The following CTBS variants were observed in gnomAD, a reference collection of about 807,000 sequenced individuals.
The protein encoded by CTBS is di-N-acetylchitobiase.
Under a neutral mutation model 44.3 loss-of-function variants are expected in CTBS, and 35 were observed. The ratio of observed to expected loss-of-function variants is 0.79; its 90% CI spans 0.60 to 1.05. The LOEUF is 1.05. Among genes scored for constraint, CTBS ranks in the 50% least tolerant of loss-of-function variants. The probability of loss-of-function intolerance (pLI) is 0.00; values close to 1 mark genes in which losing one functional copy is unlikely to be tolerated. For missense variants in CTBS, 458 were observed against 475.3 expected (o/e 0.96, Z 0.34); for synonymous variants, 143 against 168.0 (o/e 0.85, Z 1.15).
At chr1:84,569,904 G>A (rs1302253877) in intron 3 of CTBS, 27 bp downstream of exon 3, 1 of 1,577,464 alleles carries the variant, frequency 6.3e-7, no homozygotes. Context: ...AAAATATGAG[G>A]TTTCCAAAAA....
intron 4 of CTBS, among the ~76,000 whole-genome samples, chr1:84,565,250 G>A (rs1437492070): frequency 2.0e-5 from 3 of 151,710 alleles, no homozygotes; most frequent in Non-Finnish European, 4.4e-5. Flanking sequence ...CTTTTATTTA[G>A]TTGACTGATG....
At chr1:84,555,896 T>G (rs894174368) in intron 6 of CTBS, 1 of 152,254 alleles carries the variant, frequency 6.6e-6, no homozygotes, top group Non-Finnish European at 1.5e-5. Context: ...TGTGCTTTTT[T>G]GTATTCTCTG....
chr1:84,562,819 G>A (rs1359605296), intron 6 of CTBS, among the ~76,000 whole-genome samples: 4 of 151,982 alleles, frequency 2.6e-5, no homozygotes, highest in South Asian at 2.1e-4. Context: ...TTGTAAAGTC[G>A]ATTATGACAC....
intron 6 of CTBS, among the ~76,000 whole-genome samples, chr1:84,560,965 T>C (rs1397932602): frequency 2.6e-5 from 4 of 152,216 alleles, no homozygotes; most frequent in East Asian, 1.9e-4. Flanking sequence ...ACAAGATGAA[T>C]GTTATTTTCA....
intron 1 of CTBS, chr1:84,573,803 G>T: frequency 1.3e-6 from 1 of 766,760 alleles, no homozygotes; most frequent in Non-Finnish European, 1.6e-6. Flanking sequence ...GGGCTAGCAG[G>T]TATAGAAAAC....
In CTBS at chr1:84,554,656, T is replaced by A. The variant is rs1321286009; in HGVS notation, c.*343A>T. ...CAATTTCCACTTCAGATTATACATA[T>A]TTTAAAAATCAGCATTGATTCGTGA... On this transcript the variant is annotated 3_prime_UTR_variant, in exon 7 of 7. Coordinates refer to ENST00000370630, the MANE Select transcript of CTBS (RefSeq NM_004388.3). 10 of 181,336 alleles carry A rather than the reference T, an allele frequency of 5.5e-5. No homozygotes were observed. Among genetic ancestry groups the A allele is most frequent in the Admixed American group, 4.4e-4 (8 of 18,148 alleles). The allele number at this position is 181,336 out of a possible 1,614,324, so 11.2% of individuals were successfully genotyped here.
intron 6 of CTBS, among the ~76,000 whole-genome samples, chr1:84,560,096 AAAAAGAAAGAAAGAAAG>A (rs1684558915): frequency 7.7e-6 from 1 of 129,412 alleles, no homozygotes; most frequent in African/African-American, 3.2e-5. Flanking sequence ...AAAAAAAAAA[AAAAAGAAAGAAAGAAAG>A]AAAGAAAGAA....
intron 3 of CTBS, among the ~76,000 whole-genome samples, chr1:84,569,654 T>A (rs773198538): frequency 1.3e-5 from 2 of 152,164 alleles, no homozygotes; most frequent in African/African-American, 2.4e-5. Context: ...CCCCCTTGAT[T>A]TTTGTTCTCC....
chr1:84,560,141 A>T (rs953495978), intron 6 of CTBS, among the ~76,000 whole-genome samples: 4 of 151,778 alleles, frequency 2.6e-5, no homozygotes, highest in African/African-American at 9.7e-5. Flanking sequence ...AAGGAAAGAA[A>T]GAAAGAAAGA....
chr1:84,550,492 C>T lies in CTBS; in HGVS notation c.*4507G>A. ...TGCAATTGACCAGCTTAAGAGAAAA[C>T]TAGATACTGACAAAATGAAACTCAT... On this transcript the variant is annotated 3_prime_UTR_variant, in exon 7 of 7. Coordinates refer to ENST00000370630, the MANE Select transcript of CTBS (RefSeq NM_004388.3). 4 of 1,566,658 alleles carry T rather than the reference C, an allele frequency of 2.6e-6. No homozygotes were observed. The highest frequency in any genetic ancestry group is 2.4e-5 in the South Asian group (2 of 83,260).
chr1:84,565,454 C>T (rs1224362046), intron 4 of CTBS, among the ~76,000 whole-genome samples: 2 of 152,176 alleles, frequency 1.3e-5, no homozygotes, highest in Non-Finnish European at 2.9e-5. Flanking sequence ...TTATTTAACA[C>T]TGGTTATTTC....
At chr1:84,571,090 G>C (rs1647288887) in intron 1 of CTBS, among the ~76,000 whole-genome samples, 1 of 152,198 alleles carries the variant, frequency 6.6e-6, no homozygotes, top group Non-Finnish European at 1.5e-5. Context: ...CTGTTGAGAA[G>C]TTAGTACTAC....
Position 84,563,390 on chromosome 1 carries a change from G to C in CTBS, c.824C>G (p.Pro275Arg). 6.3e-7 allele frequency: 1 copy of C among 1,575,466 alleles called. No homozygotes were observed. The highest frequency in any genetic ancestry group is 1.2e-5 in the South Asian group (1 of 84,970). The change falls in exon 6 of 7, where the codon CCT becomes CGT. Residue 275 changes from proline (P) to arginine (R), a missense_variant. Physicochemically the swap from Pro to Arg is moderately radical, Grantham distance 103. Coordinates refer to ENST00000370630, the MANE Select transcript of CTBS (RefSeq NM_004388.3). ...EDHVCTIAKVPFRGAPCSDAA... is the reference protein window; with the variant it reads ...EDHVCTIAKVRFRGAPCSDAA... The stretch of plus-strand genomic sequence containing the variant: ...GTCACTACAAGGAGCCCCCCGGAAA[G>C]GGACTTTTGCAATGGTACAAACATG...
chr1:84,554,721 A>G lies in CTBS; in HGVS notation c.*278T>C, dbSNP rs1411497805. The G allele has an allele frequency of 3.6e-6, 1 of 278,240 alleles. No individual in the cohort carries two copies. The highest frequency in any genetic ancestry group is 6.7e-6 in the Non-Finnish European group (1 of 148,372). 17.2% of individuals were successfully genotyped at this position (278,240 alleles called of 1,614,324 possible). Reference sequence around the variant, plus strand: ...ATAATGAAGGGAAATATGGCATAATAAAATTCTGAAAGCAATTTTTCCCAA... The same window carrying G: ...ATAATGAAGGGAAATATGGCATAATGAAATTCTGAAAGCAATTTTTCCCAA... On this transcript the variant is annotated 3_prime_UTR_variant, in exon 7 of 7. Coordinates refer to ENST00000370630, the MANE Select transcript of CTBS (RefSeq NM_004388.3).
chr1:84,562,986 T>C (rs1333074928), intron 6 of CTBS, among the ~76,000 whole-genome samples: 1 of 152,124 alleles, frequency 6.6e-6, no homozygotes, highest in Non-Finnish European at 1.5e-5. Context: ...GTTACAGAAA[T>C]CCTGTTTGTG....
chr1:84,565,744 G>A (rs895621046), intron 4 of CTBS, 97 bp downstream of exon 4: 9 of 623,912 alleles, frequency 1.4e-5, no homozygotes, highest in African/African-American at 7.9e-5. Context: ...ATTGAAAAAC[G>A]TATACATATA....
Position 84,566,008 on chromosome 1 carries a change from G to C in CTBS, c.530C>G (p.Thr177Ser). Reference protein sequence around the residue: ...FHREIEGSQVTFDVAWSPKNI... With the variant: ...FHREIEGSQVSFDVAWSPKNI... ...CTTTGGAGACCAAGCTACATCAAAGGTTACCTGTGGAAAAAAATCTTACTA... is the reference window on the plus strand; with the variant it reads ...CTTTGGAGACCAAGCTACATCAAAGCTTACCTGTGGAAAAAAATCTTACTA... Residue 177 changes from threonine to serine, a missense_variant, in exon 4 of 7, where the codon ACC becomes AGC. Thr to Ser is a moderately conservative substitution (Grantham distance 58). Coordinates refer to ENST00000370630, the MANE Select transcript of CTBS (RefSeq NM_004388.3). 1 of 1,520,536 alleles carries C rather than the reference G, an allele frequency of 6.6e-7. No individual in the cohort carries two copies. The allele number at this position is 1,520,536 out of a possible 1,614,324, so 94.2% of individuals were successfully genotyped here.
At chr1:84,569,718 G>C (rs1647240221) in intron 3 of CTBS, among the ~76,000 whole-genome samples, 1 of 152,194 alleles carries the variant, frequency 6.6e-6, no homozygotes, top group African/African-American at 2.4e-5. Flanking sequence ...GGTAATCCCA[G>C]TGTTGTATTT....
Position 84,563,315 on chromosome 1 carries a change from CTATT to C in CTBS, c.895_898del (p.Asn299ValfsTer39). The C allele has an allele frequency of 6.3e-7, 1 of 1,596,618 alleles. No individual in the cohort carries two copies. Among genetic ancestry groups the C allele is most frequent in the Non-Finnish European group, 8.5e-7 (1 of 1,171,988 alleles). ...ATCCCATAGGTTTCCAGAAATAGAA[CTATT>C]TATTTGCTTCATGATCGTTTTGTAG... On this transcript the variant is annotated frameshift_variant, in exon 6 of 7. Coordinates refer to ENST00000370630, the MANE Select transcript of CTBS (RefSeq NM_004388.3). LOFTEE classifies it high-confidence loss of function.
Sources: allele counts gnomAD v4.1 joint callset (sites outside exome capture counted in the v4.1 genomes callset), GRCh38; gene constraint gnomAD v4.1.1; transcripts MANE v1.5; gene names NCBI Gene and HGNC (gene_info 2026-07-23, HGNC 2026-07-21).